Variants in C8orf34 observed in about 807,000 individuals in gnomAD.
C8orf34 encodes chromosome 8 open reading frame 34, also known as uncharacterized protein C8orf34.
In C8orf34, 65 loss-of-function variants were observed where a neutral mutation model predicts 68.3. The ratio of observed to expected loss-of-function variants is 0.95; its 90% CI spans 0.78 to 1.17. The LOEUF (loss-of-function observed/expected upper bound fraction) is 1.17. Among genes scored for constraint, C8orf34 ranks in the 50% most tolerant of loss-of-function variants. The probability of loss-of-function intolerance (pLI) is 0.00; values close to 1 mark genes in which losing one functional copy is unlikely to be tolerated. For synonymous variants in C8orf34, 244 were observed against 241.2 expected (o/e 1.01, Z -0.11); for missense variants, 664 against 655.4 (o/e 1.01, Z -0.14).
intron 10 of C8orf34, among the ~76,000 whole-genome samples, chr8:68,726,528 AGT>A (rs1821835378): frequency 6.6e-6 from 1 of 152,216 alleles, no homozygotes. Context: ...ACCTTGATAA[AGT>A]GTCTGCTGAG....
At chr8:68,399,969 T>C (rs893133386) in intron 1 of C8orf34, among the ~76,000 whole-genome samples, 2 of 152,178 alleles carry the variant, frequency 1.3e-5, no homozygotes, top group Non-Finnish European at 2.9e-5. Context: ...TTTTGAAAAA[T>C]GTATATTCAT....
chr8:68,710,375 A>C (rs962182166), intron 9 of C8orf34, among the ~76,000 whole-genome samples: 2 of 151,948 alleles, frequency 1.3e-5, no homozygotes, highest in Non-Finnish European at 2.9e-5. Context: ...CTGGAAATAA[A>C]CTCATTGCTG....
chr8:68,487,179 G>T (rs1813114481), intron 4 of C8orf34, among the ~76,000 whole-genome samples: 1 of 152,158 alleles, frequency 6.6e-6, no homozygotes, highest in Non-Finnish European at 1.5e-5. Context: ...AAGGTATGGG[G>T]TAGATTATCA....
intron 3 of C8orf34, among the ~76,000 whole-genome samples, chr8:68,461,566 G>A (rs551362453): frequency 1.4e-4 from 21 of 152,256 alleles, no homozygotes; most frequent in African/African-American, 4.3e-4. Flanking sequence ...CCTCAAAGGG[G>A]AGCCCATCAG....
chr8:68,633,372 G>C (rs368345900), intron 7 of C8orf34, among the ~76,000 whole-genome samples: 4 of 152,228 alleles, frequency 2.6e-5, no homozygotes, highest in South Asian at 2.1e-4. Flanking sequence ...TTTCTTATAA[G>C]AGTTAAAACA....
At chr8:68,442,091 G>A (rs1429298241) in intron 2 of C8orf34, among the ~76,000 whole-genome samples, 1 of 152,106 alleles carries the variant, frequency 6.6e-6, no homozygotes, top group African/African-American at 2.4e-5. Flanking sequence ...TAGTTAGAGT[G>A]TAGGATGGAC....
intron 9 of C8orf34, among the ~76,000 whole-genome samples, chr8:68,718,294 A>C (rs1020598057): frequency 6.6e-6 from 1 of 152,178 alleles, no homozygotes; most frequent in Non-Finnish European, 1.5e-5. Flanking sequence ...TTAATTTTTT[A>C]AATTTTATCA....
At chr8:68,789,893 C>CT (rs1270674602) in intron 12 of C8orf34, among the ~76,000 whole-genome samples, 1 of 152,154 alleles carries the variant, frequency 6.6e-6, no homozygotes, top group Non-Finnish European at 1.5e-5. Flanking sequence ...ATCAATCACT[C>CT]TAAGAAAGTC....
At chr8:68,506,522 A>G (rs1435587475) in intron 5 of C8orf34, among the ~76,000 whole-genome samples, 1 of 152,138 alleles carries the variant, frequency 6.6e-6, no homozygotes, top group Non-Finnish European at 1.5e-5. Context: ...ATTTTTAACA[A>G]CAAAGTTAAA....
chr8:68,746,441 C>G (rs1822496350), intron 10 of C8orf34, among the ~76,000 whole-genome samples: 2 of 76,372 alleles, frequency 2.6e-5, no homozygotes, highest in South Asian at 1.1e-3. Context: ...TTAATGAATC[C>G]AGGAGCTGGT....
At chr8:68,802,385 C>A (rs1824358263) in intron 12 of C8orf34, among the ~76,000 whole-genome samples, 1 of 152,178 alleles carries the variant, frequency 6.6e-6, no homozygotes, top group South Asian at 2.1e-4. Flanking sequence ...CAGGCGTGAG[C>A]CACCATGCCC....
intron 4 of C8orf34, among the ~76,000 whole-genome samples, chr8:68,477,599 G>A (rs1812676784): frequency 6.6e-6 from 1 of 152,200 alleles, no homozygotes; most frequent in Admixed American, 6.5e-5. Context: ...GACACTCAAT[G>A]CCAGCCATGA....
intron 5 of C8orf34, among the ~76,000 whole-genome samples, chr8:68,506,868 C>T (rs1460761319): frequency 6.6e-6 from 1 of 152,044 alleles, no homozygotes; most frequent in African/African-American, 2.4e-5. Context: ...ATATATTTTT[C>T]CTCACATGGA....
intron 1 of C8orf34, among the ~76,000 whole-genome samples, chr8:68,356,874 A>G (rs1247701704): frequency 1.3e-5 from 2 of 152,140 alleles, no homozygotes; most frequent in Non-Finnish European, 2.9e-5. Context: ...ATAGGAGCAT[A>G]TAACGCCTGC....
chr8:68,742,870 T>C (rs1822343818), intron 10 of C8orf34, among the ~76,000 whole-genome samples: 1 of 152,228 alleles, frequency 6.6e-6, no homozygotes, highest in Admixed American at 6.5e-5. Context: ...ATAAGGTTAA[T>C]TACCACTTTT....
chr8:68,571,248 T>A (rs556196802), intron 7 of C8orf34, among the ~76,000 whole-genome samples: 6 of 152,316 alleles, frequency 3.9e-5, no homozygotes, highest in African/African-American at 1.4e-4. Flanking sequence ...TTAGTTACAG[T>A]GTCAAATTCA....
intron 8 of C8orf34, 151 bp downstream of exon 8, chr8:68,640,662 C>T (rs1184881222): frequency 1.3e-6 from 1 of 750,958 alleles, no homozygotes; most frequent in Non-Finnish European, 2.1e-6. Flanking sequence ...GTTAGTTATG[C>T]AGTTTATCCT....
chr8:68,425,976 T>C (rs1256060585), intron 1 of C8orf34, among the ~76,000 whole-genome samples: 1 of 152,038 alleles, frequency 6.6e-6, no homozygotes. Context: ...TAGGGAAAAA[T>C]TGACTCTTGA....
intron 12 of C8orf34, among the ~76,000 whole-genome samples, chr8:68,794,849 T>A (rs1413610686): frequency 6.6e-6 from 1 of 152,056 alleles, no homozygotes; most frequent in Non-Finnish European, 1.5e-5. Context: ...AAATCTAAAA[T>A]CTGAAATCAG....
Sources: gnomAD v4.1 joint callset for allele counts (sites outside exome capture counted in the v4.1 genomes callset) on GRCh38, gnomAD v4.1.1 for gene constraint, MANE v1.5 for transcripts, NCBI Gene and HGNC (gene_info 2026-07-23, HGNC 2026-07-21) for gene names.